Variants in SH3RF1 observed in about 807,000 individuals in gnomAD.
SH3RF1 encodes SH3 domain containing ring finger 1, also known as E3 ubiquitin-protein ligase SH3RF1.
SH3RF1 carries 32 observed loss-of-function variants against 74.0 expected under a neutral mutation model. That is an observed-to-expected ratio of 0.43 (90% confidence interval 0.33 to 0.58). The LOEUF is 0.58. Ranked by LOEUF, SH3RF1 falls within the 20% of genes least tolerant of loss-of-function variation. SH3RF1 has a pLI of 0.05. For synonymous variants in SH3RF1, 396 were observed against 439.6 expected (o/e 0.90, Z 1.24); for missense variants, 954 against 1,130.9 (o/e 0.84, Z 2.24).
intron 11 of SH3RF1, among the ~76,000 whole-genome samples, chr4:169,100,447 T>A (rs1733001353): frequency 1.3e-5 from 2 of 152,152 alleles, no homozygotes; most frequent in Admixed American, 1.3e-4. Context: ...GTTCAAGCAA[T>A]TTTCCTGCCT....
chr4:169,233,549 C>T (rs1730778257), intron 2 of SH3RF1, among the ~76,000 whole-genome samples: 1 of 152,150 alleles, frequency 6.6e-6, no homozygotes, highest in South Asian at 2.1e-4. Context: ...TTGCATTACA[C>T]TTTACTTCAT....
At chr4:169,145,314 A>T (rs952388696) in intron 4 of SH3RF1, among the ~76,000 whole-genome samples, 2 of 152,112 alleles carry the variant, frequency 1.3e-5, no homozygotes, top group Non-Finnish European at 2.9e-5. Context: ...TCATTATCCT[A>T]AGTGAAATCA....
chr4:169,220,765 T>G (rs1258220477), intron 2 of SH3RF1, among the ~76,000 whole-genome samples: 1 of 152,250 alleles, frequency 6.6e-6, no homozygotes, highest in Admixed American at 6.5e-5. Context: ...TATTCACTGG[T>G]GTGTAATGTA....
intron 6 of SH3RF1, among the ~76,000 whole-genome samples, chr4:169,124,756 T>G (rs1219648793): frequency 6.6e-6 from 1 of 152,214 alleles, no homozygotes; most frequent in East Asian, 1.9e-4. Flanking sequence ...ACTAGGAAAT[T>G]TTGTGGGTTG....
chr4:169,201,376 G>C (rs1000416463), intron 2 of SH3RF1, among the ~76,000 whole-genome samples: 9 of 152,184 alleles, frequency 5.9e-5, no homozygotes, highest in Non-Finnish European at 1.2e-4. Flanking sequence ...GGCTAGGGCA[G>C]GGAGGATCTG....
chr4:169,119,111 T>C (rs1173410091), intron 8 of SH3RF1, among the ~76,000 whole-genome samples: 1 of 151,996 alleles, frequency 6.6e-6, no homozygotes, highest in Non-Finnish European at 1.5e-5. Flanking sequence ...AGATAGATTT[T>C]TTTTTTCCTT....
intron 2 of SH3RF1, among the ~76,000 whole-genome samples, chr4:169,164,021 C>A (rs897538991): frequency 4.6e-5 from 7 of 152,172 alleles, no homozygotes; most frequent in African/African-American, 1.2e-4. Context: ...AGGACCCAGC[C>A]CAGGCATTGC....
In SH3RF1 at chr4:169,173,998, GTT is replaced by G. The variant is rs1734375299; in HGVS notation, c.394-17321_394-17320del. Reference sequence around the variant, plus strand: ...TAGTTCTTCAATTGTAATTTCCTGAGTTATATATATATATATATGGTGACTGA... The same window carrying G: ...TAGTTCTTCAATTGTAATTTCCTGAGATATATATATATATATGGTGACTGA... On this transcript the variant is annotated intron_variant, in intron 2 of 11. Transcript: ENST00000284637. Among the ~76,000 whole-genome samples, 9 of 84,792 alleles carry G rather than the reference GTT, an allele frequency of 1.1e-4. No individual in the cohort carries two copies. In the South Asian group the frequency reaches 4.2e-3, roughly 39 times the overall value. 55.6% of individuals were successfully genotyped at this position (84,792 alleles called of 152,430 possible). A position where few individuals can be genotyped will look rare whatever the true frequency, so the allele number is the denominator to read the frequency against.
chr4:169,266,767 C>T (rs1383252859), intron 2 of SH3RF1, among the ~76,000 whole-genome samples: 4 of 152,140 alleles, frequency 2.6e-5, no homozygotes, highest in South Asian at 4.2e-4. Context: ...GGGCTAGAGG[C>T]GAGTGCCACA....
At chr4:169,199,705 G>A (rs763355777) in intron 2 of SH3RF1, among the ~76,000 whole-genome samples, 5 of 151,878 alleles carry the variant, frequency 3.3e-5, no homozygotes, top group Non-Finnish European at 5.9e-5. Flanking sequence ...AATCCACTGG[G>A]AATAAGAAAA....
At chr4:169,169,083 G>C (rs915548218) in intron 2 of SH3RF1, among the ~76,000 whole-genome samples, 2 of 152,144 alleles carry the variant, frequency 1.3e-5, no homozygotes, top group Admixed American at 6.6e-5. Context: ...TTGCTGTTGA[G>C]AGTAATACAT....
chr4:169,247,869 G>A (rs1262896097), intron 2 of SH3RF1, among the ~76,000 whole-genome samples: 1 of 62,994 alleles, frequency 1.6e-5, no homozygotes, highest in Non-Finnish European at 3.4e-5. Flanking sequence ...AGACATTTAT[G>A]CAGCCAACAA....
chr4:169,145,136 C>CAGT (rs1733852895), intron 4 of SH3RF1, among the ~76,000 whole-genome samples: 1 of 152,076 alleles, frequency 6.6e-6, no homozygotes, highest in South Asian at 2.1e-4. Flanking sequence ...TGTACTTGTA[C>CAGT]GTTTATTGCA....
chr4:169,268,072 T>C (rs528131175), intron 2 of SH3RF1, among the ~76,000 whole-genome samples: 91 of 151,930 alleles, frequency 6.0e-4, no homozygotes, highest in Non-Finnish European at 1.1e-3. Context: ...AGATTATTTA[T>C]ATATATTTCT....
intron 2 of SH3RF1, among the ~76,000 whole-genome samples, chr4:169,165,637 C>CGGGG (rs33952582): frequency 6.8e-6 from 1 of 146,964 alleles, no homozygotes; most frequent in African/African-American, 2.5e-5. Context: ...GAAAAAAAGG[C>CGGGG]GGGGGGGGGA....
At chr4:169,103,811 A>G (rs1733083172) in intron 11 of SH3RF1, among the ~76,000 whole-genome samples, 1 of 152,256 alleles carries the variant, frequency 6.6e-6, no homozygotes, top group Admixed American at 6.5e-5. Context: ...TCCATTGAAC[A>G]TATGGATTAT....
chr4:169,269,231 GA>G lies in SH3RF1; in HGVS notation c.-20del. The G allele has an allele frequency of 1.3e-6, 2 of 1,534,742 alleles. No homozygotes were observed. Among genetic ancestry groups the G allele is most frequent in the African/African-American group, 1.4e-5 (1 of 72,556 alleles). On this transcript the variant is annotated 5_prime_UTR_variant, in exon 2 of 12. It introduces an in-frame stop codon into an upstream open reading frame of the 5' UTR. Coordinates refer to ENST00000284637, the MANE Select transcript of SH3RF1 (RefSeq NM_020870.4). ...CATCCATCTTTATCTACTTTACTGA[GA>G]AAAAATCTTCAGAAATGTTCATAGT...
intron 2 of SH3RF1, among the ~76,000 whole-genome samples, chr4:169,212,472 TA>T (rs1486685900): frequency 1.3e-5 from 2 of 152,214 alleles, no homozygotes; most frequent in African/African-American, 4.8e-5. Flanking sequence ...CAGGACTTTT[TA>T]ATATTTAAGC....
At chr4:169,164,538 G>C (rs1160127906) in intron 2 of SH3RF1, among the ~76,000 whole-genome samples, 1 of 152,174 alleles carries the variant, frequency 6.6e-6, no homozygotes, top group Non-Finnish European at 1.5e-5. Context: ...TGAGACATGG[G>C]AGGTACAGAA....
Sources: allele counts gnomAD v4.1 joint callset (sites outside exome capture counted in the v4.1 genomes callset), GRCh38; gene constraint gnomAD v4.1.1; transcripts MANE v1.5; gene names NCBI Gene and HGNC (gene_info 2026-07-23, HGNC 2026-07-21).